The following MRO variants were observed in gnomAD, a reference collection of about 807,000 sequenced individuals.
MRO encodes the protein maestro.
In MRO, 28 loss-of-function variants were observed where a neutral mutation model predicts 31.0. The observed-to-expected ratio is 0.90, with a 90% CI of 0.67 to 1.24. The LOEUF is 1.24. Ranked by LOEUF, MRO falls within the 50% of genes most tolerant of loss-of-function variation. The probability of loss-of-function intolerance (pLI) is 0.00; values close to 1 mark genes in which losing one functional copy is unlikely to be tolerated. For synonymous variants in MRO, 108 were observed against 108.4 expected, an observed-to-expected ratio of 1.00 and a Z score of 0.02; for missense variants, 332 against 289.2, an observed-to-expected ratio of 1.15 and a Z score of -1.07.
chr18:50,799,253 A>G lies in MRO; in HGVS notation c.*84T>C, dbSNP rs964655873. ...ACAATCCCAAGAGGCAAGCAGTGAG[A>G]AGAGGCATCCAGTGAGATAAAACAG... On this transcript the variant is annotated 3_prime_UTR_variant, in exon 8 of 8. Coordinates refer to ENST00000398439, the MANE Select transcript of MRO (RefSeq NM_031939.6). 42 of 1,217,662 alleles carry G rather than the reference A, an allele frequency of 3.4e-5. No individual in the cohort carries two copies. Among genetic ancestry groups the G allele is most frequent in the Admixed American group, 6.8e-5 (4 of 58,750 alleles). The allele number at this position is 1,217,662 out of a possible 1,614,324, so 75.4% of individuals were successfully genotyped here.
chr18:50,808,131 T>A (rs1914119244), intron 3 of MRO, among the ~76,000 whole-genome samples: 1 of 152,122 alleles, frequency 6.6e-6, no homozygotes, highest in African/African-American at 2.4e-5. Context: ...CTCTAAGTAA[T>A]TGCAGGGCCA....
chr18:50,809,142 CTCAAAA>C (rs1328318631), intron 3 of MRO, among the ~76,000 whole-genome samples, 154 bp downstream of exon 3: 4 of 66,478 alleles, frequency 6.0e-5, no homozygotes, highest in South Asian at 1.1e-3. Context: ...GAGACTCCGT[CTCAAAA>C]AAAAAAAAAA....
chr18:50,800,469 T>C (rs1913189191), intron 6 of MRO, among the ~76,000 whole-genome samples: 1 of 152,230 alleles, frequency 6.6e-6, no homozygotes, highest in Non-Finnish European at 1.5e-5. Context: ...TAGAAAGCTT[T>C]GCTCCCAATT....
intron 5 of MRO, among the ~76,000 whole-genome samples, chr18:50,804,946 C>T (rs1472236099): frequency 2.0e-5 from 3 of 152,088 alleles, no homozygotes; most frequent in African/African-American, 4.8e-5. Flanking sequence ...CGTGCACCAC[C>T]ATGCCCAGCT....
In MRO at chr18:50,809,316, A is replaced by T. The variant is rs1914256325; in HGVS notation, c.85T>A (p.Ser29Thr). ...TTGTGTCAGACCTTGGAAAAGAAAG[A>T]TATCATTGATGTCCTTTTCTGCTTG... is the stretch of plus-strand genomic sequence containing the variant. ...QPKQKRTSMI[S>T]FFSKVSWKLR... is the part of the protein sequence containing the mutation. The change falls in exon 3 of 8, where the codon TCT (serine) becomes ACT (threonine). Residue 29 changes from serine (S) to threonine (T), a missense_variant. By Grantham distance (58) the Ser-to-Thr change is moderately conservative. Coordinates refer to ENST00000398439, the MANE Select transcript of MRO (RefSeq NM_031939.6). 4.3e-6 allele frequency: 7 copies of T among 1,612,818 alleles called. No homozygotes were observed. Among genetic ancestry groups the T allele is most frequent in the Non-Finnish European group, 5.9e-6 (7 of 1,179,238 alleles).
At chr18:50,812,125 G>A (rs1914530636) in intron 2 of MRO, among the ~76,000 whole-genome samples, 1 of 152,084 alleles carries the variant, frequency 6.6e-6, no homozygotes, top group African/African-American at 2.4e-5. Flanking sequence ...ATACCCACCA[G>A]CAACGTATGA....
intron 6 of MRO, among the ~76,000 whole-genome samples, chr18:50,800,754 T>A (rs1042868855): frequency 6.6e-6 from 1 of 151,364 alleles, no homozygotes; most frequent in Non-Finnish European, 1.5e-5. Flanking sequence ...GGCGTGGTGG[T>A]GGGCACCTGT....
At chr18:50,811,930 CG>C (rs1169026686) in intron 2 of MRO, among the ~76,000 whole-genome samples, 2 of 151,798 alleles carry the variant, frequency 1.3e-5, no homozygotes, top group East Asian at 3.9e-4. Context: ...TTAGTAGACA[CG>C]GGGTTTCAGC....
At chr18:50,816,446 T>C (rs928576609) in intron 2 of MRO, among the ~76,000 whole-genome samples, 4 of 152,374 alleles carry the variant, frequency 2.6e-5, no homozygotes, top group Non-Finnish European at 5.9e-5. Context: ...TTTATATAGT[T>C]CAGTTTTTCC....
chr18:50,820,524 AAC>A (rs1915265241), upstream of MRO, among the ~76,000 whole-genome samples: 1 of 152,244 alleles, frequency 6.6e-6, no homozygotes, highest in Admixed American at 6.5e-5. Context: ...AGGAAAAAAG[AAC>A]AGTTATATTT....
upstream of MRO, among the ~76,000 whole-genome samples, chr18:50,824,458 T>C (rs1915426708): frequency 6.9e-6 from 1 of 145,712 alleles, no homozygotes; most frequent in Non-Finnish European, 1.5e-5. Context: ...TTTTTTTCTT[T>C]CTTTTTTTTT....
intron 3 of MRO, among the ~76,000 whole-genome samples, chr18:50,807,156 C>T (rs1914022317): frequency 6.6e-6 from 1 of 152,138 alleles, no homozygotes; most frequent in Non-Finnish European, 1.5e-5. Flanking sequence ...AGGACTTGAT[C>T]AGTGTTGATG....
At chr18:50,824,706 G>T (rs1208933461), upstream of MRO, among the ~76,000 whole-genome samples, 1 of 147,884 alleles carries the variant, frequency 6.8e-6, no homozygotes, top group Non-Finnish European at 1.5e-5. Context: ...CGCCCACCTC[G>T]GCCTCCCAAA....
intron 4 of MRO, among the ~76,000 whole-genome samples, chr18:50,806,033 C>T (rs1027663680): frequency 2.6e-5 from 4 of 151,498 alleles, no homozygotes; most frequent in Non-Finnish European, 5.9e-5. Flanking sequence ...GATCTCTGCT[C>T]AAGCCTCAGC....
chr18:50,811,682 G>A (rs535390469), intron 2 of MRO, among the ~76,000 whole-genome samples: 1 of 143,272 alleles, frequency 7.0e-6, no homozygotes, highest in East Asian at 2.2e-4. Context: ...ACAACTATTT[G>A]TATCTGCTTT....
rs1008719842 is a variant in MRO at position 50,817,781 on chromosome 18, C to A, written c.-5+1800G>T. Among the ~76,000 whole-genome samples the A allele has an allele frequency of 3.3e-5, 5 of 152,188 alleles. No homozygotes were observed. In the South Asian group the frequency reaches 6.2e-4, roughly 19 times the overall value. On this transcript the variant is annotated intron_variant, in intron 2 of 7. Transcript: ENST00000398439. The stretch of plus-strand genomic sequence containing the variant: ...TTTGCAGAGAACAAGAGATTGATAC[C>A]ATATGTTTGTGAAGCACTTTGAATT...
chr18:50,801,401 G>A lies in MRO; in HGVS notation c.533C>T (p.Thr178Ile). 1 of 1,610,744 alleles carries A rather than the reference G, an allele frequency of 6.2e-7. No individual in the cohort carries two copies. The highest frequency in any genetic ancestry group is 8.5e-7 in the Non-Finnish European group (1 of 1,177,834). Residue 178 changes from threonine (T) to isoleucine (I), a missense_variant, in exon 6 of 8, where the codon ACA becomes ATA. Thr to Ile is a moderately conservative substitution (Grantham distance 89). Transcript: ENST00000398439. ...TAAATGGATCAGGAGGGAATCTCGT[G>A]TCTGCTTAACCTGACTGGTGAAAAA... ...KKFFTSQVKQ[T>I]RDSLLIHLQD...
At chr18:50,821,534 C>T (rs558271688), upstream of MRO, among the ~76,000 whole-genome samples, 9 of 152,134 alleles carry the variant, frequency 5.9e-5, no homozygotes, top group African/African-American at 1.9e-4. Context: ...TAAGATTATC[C>T]GAAGAACAGA....
intron 2 of MRO, among the ~76,000 whole-genome samples, chr18:50,816,371 T>G (rs1914922768): frequency 6.6e-6 from 1 of 152,240 alleles, no homozygotes; most frequent in African/African-American, 2.4e-5. Flanking sequence ...ATCAGGTATA[T>G]TGCCCTGTAA....
Sources: allele counts gnomAD v4.1 joint callset (sites outside exome capture counted in the v4.1 genomes callset), GRCh38; gene constraint gnomAD v4.1.1; transcripts MANE v1.5; gene names NCBI Gene and HGNC (gene_info 2026-07-23, HGNC 2026-07-21).